Variants in LRRN2 observed in about 807,000 individuals in gnomAD.
The protein encoded by LRRN2 is leucine rich repeat neuronal 2, also known as leucine-rich repeat neuronal protein 2.
LRRN2 carries 10 observed loss-of-function variants against 35.7 expected under a neutral mutation model. The observed-to-expected ratio is 0.28, with a 90% CI of 0.17 to 0.47. The LOEUF (loss-of-function observed/expected upper bound fraction) is 0.47. Ranked by LOEUF, LRRN2 falls within the 20% of genes least tolerant of loss-of-function variation. The probability of loss-of-function intolerance (pLI) is 0.99; values close to 1 mark genes in which losing one functional copy is unlikely to be tolerated. For missense variants in LRRN2, 731 were observed against 940.3 expected, an observed-to-expected ratio of 0.78 and a Z score of 2.91; for synonymous variants, 391 against 409.6, an observed-to-expected ratio of 0.95 and a Z score of 0.55.
intron 1 of LRRN2, among the ~76,000 whole-genome samples, chr1:204,657,337 T>TACACACACACACACACACAC (rs201153877): frequency 3.8e-5 from 4 of 106,566 alleles, no homozygotes; most frequent in African/African-American, 1.9e-4. Flanking sequence ...TATATATGTA[T>TACACACACACACACACACAC]ATATACACAC....
chr1:204,635,702 T>A (rs1481850763), intron 1 of LRRN2, among the ~76,000 whole-genome samples: 1 of 152,164 alleles, frequency 6.6e-6, no homozygotes, highest in Non-Finnish European at 1.5e-5. Context: ...TAAAGTGCAG[T>A]GGAAAAGGGC....
Position 204,618,138 on chromosome 1 carries a change from T to C in LRRN2, c.1855A>G (p.Thr619Ala), listed in dbSNP as rs1468186609. The change falls in exon 2 of 2, where the codon ACT becomes GCT. Residue 619 changes from threonine (T) to alanine (A), a missense_variant. By Grantham distance (58) the Thr-to-Ala change is moderately conservative. Around this residue, in one of 3 missense-constraint regions of LRRN2, gnomAD observed 229 missense variants for 258.4 expected, o/e 0.89. Coordinates refer to ENST00000367177, the MANE Select transcript of LRRN2 (RefSeq NM_201630.2). ...ACVWARTKEATSCHRALGDRP... is the reference protein window; with the variant it reads ...ACVWARTKEAASCHRALGDRP... The stretch of plus-strand genomic sequence containing the variant: ...TCCCCTAAGGCTCTGTGGCAAGAAG[T>C]GGCCTCTTTGGTCCTGGCCCATACA... 2.5e-6 allele frequency: 4 copies of C among 1,614,066 alleles called. No homozygotes were observed. Among genetic ancestry groups the C allele is most frequent in the Non-Finnish European group, 3.4e-6 (4 of 1,179,964 alleles).
intron 1 of LRRN2, among the ~76,000 whole-genome samples, chr1:204,672,577 G>T (rs112687572): frequency 6.6e-6 from 1 of 152,192 alleles, no homozygotes; most frequent in African/African-American, 2.4e-5. Context: ...CTGTCGCGCC[G>T]TCTTGGAGGA....
chr1:204,661,776 G>A (rs1001162829), intron 1 of LRRN2, among the ~76,000 whole-genome samples: 12 of 152,166 alleles, frequency 7.9e-5, no homozygotes, highest in African/African-American at 2.2e-4. Flanking sequence ...GAGAAAGTAC[G>A]GTGAGGACAG....
rs532063807 is a variant in LRRN2 at position 204,685,512 on chromosome 1, G to T, written c.-419C>A. On this transcript the variant is annotated 5_prime_UTR_variant, in exon 1 of 2. Transcript: ENST00000367177. Reference sequence around the variant, plus strand: ...CTGGGAGCGGCTCCAGGGCCCAGCCGGTGAGGGCGATGGCAGAATCCCAAT... The same window carrying T: ...CTGGGAGCGGCTCCAGGGCCCAGCCTGTGAGGGCGATGGCAGAATCCCAAT... The T allele has an allele frequency of 6.6e-6, 1 of 151,692 alleles. No homozygotes were observed. The highest frequency in any genetic ancestry group is 6.6e-5 in the Admixed American group (1 of 15,240). 9.4% of individuals were successfully genotyped at this position (151,692 alleles called of 1,614,324 possible). A position where few individuals can be genotyped will look rare whatever the true frequency, so the allele number is the denominator to read the frequency against.
At chr1:204,643,133 A>G (rs1294933676) in intron 1 of LRRN2, among the ~76,000 whole-genome samples, 1 of 152,190 alleles carries the variant, frequency 6.6e-6, no homozygotes, top group East Asian at 1.9e-4. Context: ...CAATTACTTC[A>G]TCTGAGTTAC....
At chr1:204,622,015 G>C in intron 1 of LRRN2, 1 of 167,260 alleles carries the variant, frequency 6.0e-6, no homozygotes. Flanking sequence ...GTCCTGAAGA[G>C]GTTAAAGAAC....
At position 204,622,301 on chromosome 1, in the gene LRRN2, A is replaced by G. The variant is rs559650754; in HGVS notation, c.-226-2083T>C. ...CCAGGCAGGTGCCTCTCAGCGGGCC[A>G]GAGGGGCTCTTCACCTCCCTCATCC... On this transcript the variant is annotated intron_variant, in intron 1 of 1. Transcript: ENST00000367177. 503 of 156,530 alleles carry G rather than the reference A, an allele frequency of 3.2e-3. 1 individual carries two copies. The highest frequency in any genetic ancestry group is 6.8e-3 in the Middle Eastern group (2 of 296). The allele number at this position is 156,530 out of a possible 1,614,324, so 9.7% of individuals were successfully genotyped here. A position where few individuals can be genotyped will look rare whatever the true frequency, so the allele number is the denominator to read the frequency against.
At chr1:204,647,525 G>A (rs1668133036) in intron 1 of LRRN2, among the ~76,000 whole-genome samples, 1 of 152,188 alleles carries the variant, frequency 6.6e-6, no homozygotes, top group South Asian at 2.1e-4. Flanking sequence ...TGACAACAAG[G>A]AAAGGGAGAG....
intron 1 of LRRN2, among the ~76,000 whole-genome samples, chr1:204,662,967 G>T (rs1668501723): frequency 6.6e-6 from 1 of 152,180 alleles, no homozygotes. Context: ...TGGAGGCCCA[G>T]AAAGCTTTGG....
intron 1 of LRRN2, among the ~76,000 whole-genome samples, chr1:204,637,862 A>G (rs1215459287): frequency 6.6e-6 from 1 of 152,196 alleles, no homozygotes; most frequent in Non-Finnish European, 1.5e-5. Flanking sequence ...GCAAAGCAGC[A>G]TTAGGCAATT....
chr1:204,631,273 T>C (rs1440053651), intron 1 of LRRN2, among the ~76,000 whole-genome samples: 11 of 74,394 alleles, frequency 1.5e-4, no homozygotes, highest in African/African-American at 6.2e-4. Flanking sequence ...TATATATATA[T>C]ATATATATAT....
chr1:204,669,606 T>G (rs1485232002), intron 1 of LRRN2, among the ~76,000 whole-genome samples: 1 of 152,214 alleles, frequency 6.6e-6, no homozygotes, highest in Non-Finnish European at 1.5e-5. Flanking sequence ...GGGATGCTTT[T>G]CTAAGGAAGG....
chr1:204,663,310 A>T (rs1165697744), intron 1 of LRRN2, among the ~76,000 whole-genome samples: 2 of 152,170 alleles, frequency 1.3e-5, no homozygotes, highest in Non-Finnish European at 2.9e-5. Flanking sequence ...GGCACTACTC[A>T]TGAGAAACTT....
intron 1 of LRRN2, among the ~76,000 whole-genome samples, chr1:204,623,729 C>G (rs1257253851): frequency 6.6e-6 from 1 of 152,214 alleles, no homozygotes; most frequent in Non-Finnish European, 1.5e-5. Context: ...CAGACTGTCA[C>G]GTGTATACTT....
intron 1 of LRRN2, chr1:204,627,417 G>A (rs1667475016): frequency 6.6e-6 from 1 of 152,212 alleles, no homozygotes; most frequent in Admixed American, 6.5e-5. Flanking sequence ...CCTCGTCTCT[G>A]GAATGAGAGG....
At chr1:204,621,781 G>A (rs1459317037) in intron 1 of LRRN2, 2 of 167,114 alleles carry the variant, frequency 1.2e-5, no homozygotes, top group Non-Finnish European at 2.9e-5. Flanking sequence ...ACAAAAAGGG[G>A]CCAGACTGTG....
chr1:204,685,097 C>T (rs936503784), intron 1 of LRRN2, among the ~76,000 whole-genome samples: 6 of 152,204 alleles, frequency 3.9e-5, no homozygotes, highest in African/African-American at 1.4e-4. Context: ...CCCAAGTCTC[C>T]GGCTCCCCCG....
In LRRN2 at chr1:204,666,372, G is replaced by C. The variant is rs1668573606; in HGVS notation, c.-227+18948C>G. ...GCACCTACTATGTGTAAAACACCAT[G>C]CTAGGTGCTAAGTGAAGAGCATAAA... On this transcript the variant is annotated intron_variant, in intron 1 of 1. Transcript: ENST00000367177. Among the ~76,000 whole-genome samples, 3 of 152,248 alleles carry C rather than the reference G, an allele frequency of 2.0e-5. No homozygotes were observed. The South Asian group carries it at 6.2e-4, about 32-fold the overall frequency.
Sources: gnomAD v4.1 joint callset for allele counts (sites outside exome capture counted in the v4.1 genomes callset) on GRCh38, gnomAD v4.1.1 for gene constraint, gnomAD v4.1.1 regional missense constraint, MANE v1.5 for transcripts, NCBI Gene and HGNC (gene_info 2026-07-23, HGNC 2026-07-21) for gene names.